Variants in LFNG observed in about 807,000 individuals in gnomAD.
LFNG encodes beta-1,3-N-acetylglucosaminyltransferase lunatic fringe.
LFNG carries 15 observed loss-of-function variants against 32.7 expected under a neutral mutation model. The ratio of observed to expected loss-of-function variants is 0.46; its 90% CI spans 0.31 to 0.71. The LOEUF is 0.71. LFNG is among the 30% of genes least tolerant of loss of function. LFNG has a pLI of 0.06. For missense variants in LFNG, 520 were observed against 545.7 expected (o/e 0.95, Z 0.47); for synonymous variants, 274 against 246.8 (o/e 1.11, Z -1.03).
chr7:2,527,597 C>T lies in LFNG; in HGVS notation c.*385C>T. 1 of 1,193,386 alleles carries T rather than the reference C, an allele frequency of 8.4e-7. No individual in the cohort carries two copies. The highest frequency in any genetic ancestry group is 1.1e-6 in the Non-Finnish European group (1 of 947,564). 73.9% of individuals were successfully genotyped at this position (1,193,386 alleles called of 1,614,324 possible). A position where few individuals can be genotyped will look rare whatever the true frequency, so the allele number is the denominator to read the frequency against. ...ATGCGTAGGTGCCTTTCTCTTCCTG[C>T]TGACCACAAGCTCTGTGCTGGGGGT... is the stretch of plus-strand genomic sequence containing the variant. On this transcript the variant is annotated 3_prime_UTR_variant, in exon 8 of 8. Transcript: ENST00000222725. This position sits in a 1 kb window ranked among gnomAD's most constrained non-coding sequence, Gnocchi z 4.4.
chr7:2,524,890 C>G (rs527418050), intron 2 of LFNG, 147 bp downstream of exon 2: 1 of 749,760 alleles, frequency 1.3e-6, no homozygotes, highest in East Asian at 2.7e-5. Context: ...GCTCCATGCC[C>G]CGCCCCACCA....
chr7:2,513,027 A>G, upstream of LFNG: 1 of 841,228 alleles, frequency 1.2e-6, no homozygotes, highest in South Asian at 1.6e-5. Flanking sequence ...TTCCTGGAAG[A>G]CTTTCCAGAA....
At chr7:2,516,026 C>T (rs182218541), upstream of LFNG, among the ~76,000 whole-genome samples, 343 of 152,346 alleles carry the variant, frequency 2.3e-3, 3 homozygotes, top group African/African-American at 8.0e-3. Flanking sequence ...CTAGGCCACG[C>T]CTGCCTTTTG....
rs1004797206 is a variant in LFNG at position 2,527,808 on chromosome 7, TG to T, written c.*598del. On this transcript the variant is annotated 3_prime_UTR_variant, in exon 8 of 8. Transcript: ENST00000222725. This position sits in a 1 kb window ranked among gnomAD's most constrained non-coding sequence, Gnocchi z 4.4. ...TCCAGTGGCCCCACGAAGCCCCCAG[TG>T]GCTGGCTGTCCAGCTGGGCAAACAG... 5.1e-5 allele frequency: 51 copies of T among 1,004,660 alleles called. No homozygotes were observed. The African/African-American group carries it at 8.5e-4, about 17-fold the overall frequency. 62.2% of individuals were successfully genotyped at this position (1,004,660 alleles called of 1,614,324 possible). A position where few individuals can be genotyped will look rare whatever the true frequency, so the allele number is the denominator to read the frequency against.
At position 2,527,331 on chromosome 7, in the gene LFNG, C is replaced by CGTGTGA; in HGVS notation, c.*124_*125insAGTGTG. On this transcript the variant is annotated 3_prime_UTR_variant, in exon 8 of 8. Coordinates refer to ENST00000222725, the MANE Select transcript of LFNG (RefSeq NM_001040167.2). The surrounding 1 kb of genome is among the most constrained non-coding windows in gnomAD (Gnocchi z 4.4). ...CCCTAGGGCCGTGCCTGTGCGTGTG[C>CGTGTGA]GTGTGCGTGTGTGTGTGTGTGTACT... 6.5e-7 allele frequency: 1 copy of CGTGTGA among 1,528,628 alleles called. No homozygotes were observed. Among genetic ancestry groups the CGTGTGA allele is most frequent in the South Asian group, 1.2e-5 (1 of 84,258 alleles). The allele number at this position is 1,528,628 out of a possible 1,614,324, so 94.7% of individuals were successfully genotyped here. A position where few individuals can be genotyped will look rare whatever the true frequency, so the allele number is the denominator to read the frequency against.
At chr7:2,515,250 C>G (rs1360643563), upstream of LFNG, among the ~76,000 whole-genome samples, 2 of 135,750 alleles carry the variant, frequency 1.5e-5, no homozygotes, top group Admixed American at 1.5e-4. Context: ...ATCCATCTGC[C>G]AATCTATCTG....
Position 2,527,089 on chromosome 7 carries a change from G to C in LFNG, c.1074-57G>C. 6.4e-7 allele frequency: 1 copy of C among 1,555,778 alleles called. No individual in the cohort carries two copies. The highest frequency in any genetic ancestry group is 8.8e-7 in the Non-Finnish European group (1 of 1,130,576). ...CCGCCAGTGTTGTGGGACTGCAAAT[G>C]GGAGCTCAGCACCTGCCTGCCACCC... On this transcript the variant is annotated intron_variant, in intron 7 of 7. Coordinates refer to ENST00000222725, the MANE Select transcript of LFNG (RefSeq NM_001040167.2). The surrounding 1 kb of genome is among the most constrained non-coding windows in gnomAD (Gnocchi z 4.4).
chr7:2,513,113 T>A, upstream of LFNG: 1 of 1,606,090 alleles, frequency 6.2e-7, no homozygotes, highest in Non-Finnish European at 8.5e-7. Flanking sequence ...GCTGGACCCA[T>A]TTTTCTAACC....
chr7:2,527,902 C>G lies in LFNG; in HGVS notation c.*690C>G. 1 of 989,028 alleles carries G rather than the reference C, an allele frequency of 1.0e-6. No homozygotes were observed. The highest frequency in any genetic ancestry group is 1.2e-6 in the Non-Finnish European group (1 of 831,888). The allele number at this position is 989,028 out of a possible 1,614,324, so 61.3% of individuals were successfully genotyped here. A position where few individuals can be genotyped will look rare whatever the true frequency, so the allele number is the denominator to read the frequency against. ...CTCCTCAGAGGTCTTCCCTTTGCCTCCCCAGGACAGGGTGAGTCAGAGCTC... is the reference window on the plus strand; with the variant it reads ...CTCCTCAGAGGTCTTCCCTTTGCCTGCCCAGGACAGGGTGAGTCAGAGCTC... On this transcript the variant is annotated 3_prime_UTR_variant, in exon 8 of 8. Transcript: ENST00000222725. The surrounding 1 kb of genome is among the most constrained non-coding windows in gnomAD (Gnocchi z 4.4).
At chr7:2,512,963 C>T, upstream of LFNG, among the ~76,000 whole-genome samples, 1 of 152,192 alleles carries the variant, frequency 6.6e-6, no homozygotes, top group African/African-American at 2.4e-5. Context: ...GACTGCACAA[C>T]CTCCACCTCC....
chr7:2,516,014 C>T (rs1779619296), upstream of LFNG, among the ~76,000 whole-genome samples: 1 of 152,244 alleles, frequency 6.6e-6, no homozygotes. Flanking sequence ...TCGGGACACT[C>T]ACTAGGCCAC....
At chr7:2,519,651 G>A (rs1397736461), upstream of LFNG, among the ~76,000 whole-genome samples, 1 of 149,848 alleles carries the variant, frequency 6.7e-6, no homozygotes, top group Non-Finnish European at 1.5e-5. Flanking sequence ...GGCCCCACGT[G>A]GGTCTGCGGG....
chr7:2,526,871 G>A lies in LFNG; in HGVS notation c.1023G>A (p.Arg341=). Residue 341 remains arginine (R), a synonymous_variant, in exon 7 of 8, where the codon CGG becomes CGA. Transcript: ENST00000222725. This position sits in a 1 kb window ranked among gnomAD's most constrained non-coding sequence, Gnocchi z 6.9. ...GCTACGGTATGTTTGAAAACAAGCG[G>A]AACGCCGTCCACGTGAAGGGGCCCT... ...TLSYGMFENK[R]NAVHVKGPFS... The A allele has an allele frequency of 6.2e-7, 1 of 1,612,318 alleles. No homozygotes were observed. Among genetic ancestry groups the A allele is most frequent in the Non-Finnish European group, 8.5e-7 (1 of 1,179,926 alleles).
At chr7:2,515,927 C>G (rs1779617044), upstream of LFNG, among the ~76,000 whole-genome samples, 1 of 152,254 alleles carries the variant, frequency 6.6e-6, no homozygotes, top group African/African-American at 2.4e-5. Context: ...GCCTTGGGAG[C>G]CGGCTGTGCT....
At chr7:2,516,405 G>A (rs1241051521), upstream of LFNG, among the ~76,000 whole-genome samples, 1 of 152,234 alleles carries the variant, frequency 6.6e-6, no homozygotes, top group Non-Finnish European at 1.5e-5. Context: ...GCCCGGGGGA[G>A]GGAAGGCAGA....
Position 2,527,964 on chromosome 7 carries a change from G to T in LFNG, c.*752G>T. The T allele has an allele frequency of 1.0e-6, 1 of 985,130 alleles. No individual in the cohort carries two copies. The highest frequency in any genetic ancestry group is 1.2e-6 in the Non-Finnish European group (1 of 829,850). The allele number at this position is 985,130 out of a possible 1,614,324, so 61.0% of individuals were successfully genotyped here. ...TCCTCTCCAAAGTAGAGAGCAAGTC[G>T]CCCACAGTGGGCGTGTCTGTAAATA... On this transcript the variant is annotated 3_prime_UTR_variant, in exon 8 of 8. Coordinates refer to ENST00000222725, the MANE Select transcript of LFNG (RefSeq NM_001040167.2). This position sits in a 1 kb window ranked among gnomAD's most constrained non-coding sequence, Gnocchi z 4.4.
chr7:2,517,724 C>G (rs530886518), upstream of LFNG: 51 of 502,746 alleles, frequency 1.0e-4, 3 homozygotes, highest in South Asian at 7.8e-4. Context: ...GAGCACAACC[C>G]GTGCACATAT....
chr7:2,524,801 C>T (rs1304701857), intron 2 of LFNG, 58 bp downstream of exon 2: 9 of 1,458,434 alleles, frequency 6.2e-6, no homozygotes, highest in Non-Finnish European at 4.7e-6. Context: ...GCCGAACGCT[C>T]CCCCTCCAGT....
At position 2,526,144 on chromosome 7, in the gene LFNG, C is replaced by G. The variant is rs1480674776; in HGVS notation, c.822-100C>G. 6.1e-6 allele frequency: 8 copies of G among 1,317,934 alleles called. No homozygotes were observed. Among genetic ancestry groups the G allele is most frequent in the Non-Finnish European group, 8.5e-6 (8 of 935,806 alleles). 81.6% of individuals were successfully genotyped at this position (1,317,934 alleles called of 1,614,324 possible). A position where few individuals can be genotyped will look rare whatever the true frequency, so the allele number is the denominator to read the frequency against. ...GCCCAGAGCTCTCCTCAGGGCTCCT[C>G]TCCCTGAGGAGTGCAGCGCCTTTGC... On this transcript the variant is annotated intron_variant, in intron 5 of 7. Coordinates refer to ENST00000222725, the MANE Select transcript of LFNG (RefSeq NM_001040167.2). The surrounding 1 kb of genome is among the most constrained non-coding windows in gnomAD (Gnocchi z 6.9).
Sources: gnomAD v4.1 joint callset for allele counts (sites outside exome capture counted in the v4.1 genomes callset) on GRCh38, gnomAD v4.1.1 for gene constraint, Gnocchi (gnomAD v3.1) non-coding constraint, MANE v1.5 for transcripts, NCBI Gene and HGNC (gene_info 2026-07-23, HGNC 2026-07-21) for gene names.